Variants in MON1A observed in about 807,000 individuals in gnomAD.
MON1A encodes the protein vacuolar fusion protein MON1 homolog A.
MON1A carries 29 observed loss-of-function variants against 44.6 expected under a neutral mutation model. That is an observed-to-expected ratio of 0.65 (90% confidence interval 0.48 to 0.89). The LOEUF (loss-of-function observed/expected upper bound fraction) is 0.89, where lower values mean the gene tolerates loss of function less well. MON1A is among the 40% of genes least tolerant of loss of function. The probability of loss-of-function intolerance (pLI) is 0.00; values close to 1 mark genes in which losing one functional copy is unlikely to be tolerated. For missense variants in MON1A, 615 were observed against 759.6 expected, an observed-to-expected ratio of 0.81 and a Z score of 2.24; for synonymous variants, 275 against 316.4, an observed-to-expected ratio of 0.87 and a Z score of 1.39.
chr3:49,909,751 C>T lies in MON1A; in HGVS notation c.1380-351G>A, dbSNP rs1462170183. On this transcript the variant is annotated intron_variant, in intron 4 of 5. Coordinates refer to ENST00000296473, the MANE Select transcript of MON1A (RefSeq NM_032355.4). This position sits in a 1 kb window ranked among gnomAD's most constrained non-coding sequence, Gnocchi z 4.0. Reference sequence around the variant, plus strand: ...TGGGCCAAAAGGGACAAAGGGAGGCCATATCTTCCCAGCCCCTCTGCTGGG... The same window carrying T: ...TGGGCCAAAAGGGACAAAGGGAGGCTATATCTTCCCAGCCCCTCTGCTGGG... The T allele has an allele frequency of 2.9e-6, 1 of 346,728 alleles. No individual in the cohort carries two copies. The highest frequency in any genetic ancestry group is 5.2e-6 in the Non-Finnish European group (1 of 190,540). 21.5% of individuals were successfully genotyped at this position (346,728 alleles called of 1,614,324 possible). A position where few individuals can be genotyped will look rare whatever the true frequency, so the allele number is the denominator to read the frequency against.
chr3:49,919,702 G>A (rs935709023), intron 1 of MON1A, among the ~76,000 whole-genome samples: 1 of 152,040 alleles, frequency 6.6e-6, no homozygotes, highest in African/African-American at 2.4e-5. Flanking sequence ...CTGGTCTCAG[G>A]TGATCCTGAC....
At chr3:49,913,631 G>A (rs912359899) in intron 1 of MON1A, among the ~76,000 whole-genome samples, 2 of 145,784 alleles carry the variant, frequency 1.4e-5, no homozygotes, top group African/African-American at 5.1e-5. Context: ...ATCTTTCACT[G>A]TTCATACGTT....
At chr3:49,922,032 G>C (rs906359007) in intron 1 of MON1A, among the ~76,000 whole-genome samples, 3 of 151,950 alleles carry the variant, frequency 2.0e-5, no homozygotes, top group African/African-American at 7.3e-5. Flanking sequence ...AGCTACTTGG[G>C]AGGCTGAGGC....
chr3:49,911,736 G>A lies in MON1A; in HGVS notation c.403C>T (p.Pro135Ser), dbSNP rs775910900. Residue 135 changes from proline to serine, a missense_variant, in exon 3 of 6, where the codon CCC (proline) becomes TCC (serine). Physicochemically the swap from Pro to Ser is moderately conservative, Grantham distance 74 (BLOSUM62 -1). Coordinates refer to ENST00000296473, the MANE Select transcript of MON1A (RefSeq NM_032355.4). The surrounding 1 kb of genome is among the most constrained non-coding windows in gnomAD (Gnocchi z 5.7). ...GAVGRPATEP[P>S]REGTTEGDEE... ...TCCCCCTCGGTTGTGCCCTCCCTGGGGGGCTCTGTGGCTGGTCGCCCAACT... is the reference window on the plus strand; with the variant it reads ...TCCCCCTCGGTTGTGCCCTCCCTGGAGGGCTCTGTGGCTGGTCGCCCAACT... The A allele has an allele frequency of 1.2e-6, 2 of 1,613,730 alleles. No homozygotes were observed. Among genetic ancestry groups the A allele is most frequent in the Admixed American group, 1.7e-5 (1 of 60,016 alleles).
Position 49,911,250 on chromosome 3 carries a change from T to TAGATAGATAGA in MON1A, c.613+275_613+276insTCTATCTATCT, listed in dbSNP as rs1559492038. Among the ~76,000 whole-genome samples the TAGATAGATAGA allele has an allele frequency of 2.3e-4, 23 of 99,796 alleles. No homozygotes were observed. The highest frequency in any genetic ancestry group is 6.4e-4 in the African/African-American group (18 of 28,126). The allele number at this position is 99,796 out of a possible 152,430, so 65.5% of individuals were successfully genotyped here. A position where few individuals can be genotyped will look rare whatever the true frequency, so the allele number is the denominator to read the frequency against. On this transcript the variant is annotated intron_variant, in intron 3 of 5. Coordinates refer to ENST00000296473, the MANE Select transcript of MON1A (RefSeq NM_032355.4). The surrounding 1 kb of genome is among the most constrained non-coding windows in gnomAD (Gnocchi z 5.7). Reference sequence around the variant, plus strand: ...GATAGATAGATAGATAGATAGAGTTTGTTGTTGTTGTTGTTGTTGCCTCCC... The same window carrying TAGATAGATAGA: ...GATAGATAGATAGATAGATAGAGTTTAGATAGATAGAGTTGTTGTTGTTGTTGTTGCCTCCC...
At chr3:49,926,782 AT>A (rs879458577) in intron 1 of MON1A, among the ~76,000 whole-genome samples, 334 of 137,350 alleles carry the variant, frequency 2.4e-3, no homozygotes, top group South Asian at 3.9e-3. Flanking sequence ...TGGGAGGGAG[AT>A]TTTTTTTTTT....
intron 1 of MON1A, among the ~76,000 whole-genome samples, chr3:49,920,213 G>A (rs1021051784): frequency 6.6e-6 from 1 of 152,080 alleles, no homozygotes; most frequent in African/African-American, 2.4e-5. Context: ...AGATAATTTG[G>A]TTATTTCCTC....
intron 1 of MON1A, among the ~76,000 whole-genome samples, chr3:49,915,337 G>A (rs1044888713): frequency 1.3e-5 from 2 of 152,120 alleles, no homozygotes; most frequent in Non-Finnish European, 2.9e-5. Context: ...TCACTAGCTG[G>A]GGCAACAAAG....
chr3:49,927,911 AC>A (rs1330583465), intron 1 of MON1A, among the ~76,000 whole-genome samples: 29 of 151,540 alleles, frequency 1.9e-4, no homozygotes, highest in African/African-American at 5.1e-4. Flanking sequence ...AAAAAAAAAA[AC>A]AACAAAAAAA....
chr3:49,916,084 T>G (rs1559493899), intron 1 of MON1A: 1 of 152,238 alleles, frequency 6.6e-6, no homozygotes, highest in Non-Finnish European at 1.5e-5. Context: ...GAGGCACTGG[T>G]GTTAGTGTGA....
Position 49,911,245 on chromosome 3 carries a change from G to GATAGATAGATAGAT in MON1A, c.613+280_613+281insATCTATCTATCTAT, listed in dbSNP as rs1559492025. Among the ~76,000 whole-genome samples the GATAGATAGATAGAT allele has an allele frequency of 1.0e-4, 8 of 78,344 alleles. No individual in the cohort carries two copies. The highest frequency in any genetic ancestry group is 4.4e-4 in the Admixed American group (4 of 9,024). 51.4% of individuals were successfully genotyped at this position (78,344 alleles called of 152,430 possible). The stretch of plus-strand genomic sequence containing the variant: ...AGATAGATAGATAGATAGATAGATA[G>GATAGATAGATAGAT]AGTTTGTTGTTGTTGTTGTTGTTGC... On this transcript the variant is annotated intron_variant, in intron 3 of 5. Transcript: ENST00000296473. This position sits in a 1 kb window ranked among gnomAD's most constrained non-coding sequence, Gnocchi z 5.7.
At chr3:49,914,540 ATTTTTTTTTTTT>A (rs35967703) in intron 1 of MON1A, among the ~76,000 whole-genome samples, 3 of 85,982 alleles carry the variant, frequency 3.5e-5, no homozygotes, top group South Asian at 3.4e-4. Context: ...CGCCTGCCTA[ATTTTTTTTTTTT>A]TTTTTTTTTT....
In MON1A at chr3:49,910,763, G is replaced by A; in HGVS notation, c.735C>T (p.Ser245=). Residue 245 remains serine, a synonymous_variant, in exon 4 of 6, where the codon AGC becomes AGT. Transcript: ENST00000296473. This position sits in a 1 kb window ranked among gnomAD's most constrained non-coding sequence, Gnocchi z 8.0. Reference sequence around the variant, plus strand: ...GGCTCAGCTGCGCACCGGTAAGAAGGCTTAGGATCTGGTAGTAGATGTAGA... The same window carrying A: ...GGCTCAGCTGCGCACCGGTAAGAAGACTTAGGATCTGGTAGTAGATGTAGA... ...ELLYIYYQIL[S]LLTGAQLSHI... The A allele has an allele frequency of 6.2e-7, 1 of 1,614,160 alleles. No homozygotes were observed. Among genetic ancestry groups the A allele is most frequent in the Non-Finnish European group, 8.5e-7 (1 of 1,180,028 alleles).
chr3:49,911,433 C>T lies in MON1A; in HGVS notation c.613+93G>A. The T allele has an allele frequency of 5.3e-6, 8 of 1,497,184 alleles. No individual in the cohort carries two copies. The highest frequency in any genetic ancestry group is 4.5e-6 in the Non-Finnish European group (5 of 1,123,284). 92.7% of individuals were successfully genotyped at this position (1,497,184 alleles called of 1,614,324 possible). On this transcript the variant is annotated intron_variant, in intron 3 of 5. Transcript: ENST00000296473. This position sits in a 1 kb window ranked among gnomAD's most constrained non-coding sequence, Gnocchi z 5.7. ...GGGACTTACCCTCAGTCACACAGCA[C>T]ATCCCAGCCCTCTGGTCTGCAGGGG... is the stretch of plus-strand genomic sequence containing the variant.
chr3:49,929,677 G>A lies in MON1A; in HGVS notation c.-82C>T, dbSNP rs563561715. On this transcript the variant is annotated 5_prime_UTR_variant, in exon 1 of 6. Transcript: ENST00000296473. ...CTGCCCTCTGCCGGACCCATGGAGG[G>A]GTAAGGGTGTCCGGCCGGGGCCGGC... The A allele has an allele frequency of 1.3e-4, 200 of 1,551,252 alleles. No homozygotes were observed. The highest frequency in any genetic ancestry group is 1.7e-4 in the Non-Finnish European group (195 of 1,146,916).
rs772685039 is a variant in MON1A, at chr3:49,909,362, T to A, written c.1418A>T (p.Gln473Leu). The change falls in exon 5 of 6, where the codon CAG becomes CTG. Residue 473 changes from glutamine (Q) to leucine (L), a missense_variant. Coordinates refer to ENST00000296473, the MANE Select transcript of MON1A (RefSeq NM_032355.4). The surrounding 1 kb of genome is among the most constrained non-coding windows in gnomAD (Gnocchi z 4.0). ...CTGGTAGAGGCCCAGCAGCCGCTCC[T>A]GCTCCTCTTCACTGGTGTATGGGGC... ...IEAPYTSEEE[Q>L]ERLLGLYQYL... 2 of 1,614,122 alleles carry A rather than the reference T, an allele frequency of 1.2e-6. No individual in the cohort carries two copies. The highest frequency in any genetic ancestry group is 3.3e-5 in the Admixed American group (2 of 60,022).
At position 49,927,924 on chromosome 3, in the gene MON1A, A is replaced by C. The variant is rs116661925; in HGVS notation, c.-14+1685T>G. On this transcript the variant is annotated intron_variant, in intron 1 of 5. Transcript: ENST00000296473. ...TCAAAAAAAAAAACAACAAAAAAAA[A>C]CAAAAAACTCCTTGGTCTGCCACAT... Among the ~76,000 whole-genome samples the C allele has an allele frequency of 7.7e-3, 1,168 of 152,066 alleles. 7 individuals are homozygous for C. The highest frequency in any genetic ancestry group is 0.013 in the South Asian group (64 of 4,812).
chr3:49,909,570 C>T lies in MON1A; in HGVS notation c.1380-170G>A. The T allele has an allele frequency of 2.5e-6, 2 of 816,022 alleles. No individual in the cohort carries two copies. Among genetic ancestry groups the T allele is most frequent in the Non-Finnish European group, 3.8e-6 (2 of 532,092 alleles). 50.5% of individuals were successfully genotyped at this position (816,022 alleles called of 1,614,324 possible). On this transcript the variant is annotated intron_variant, in intron 4 of 5. Coordinates refer to ENST00000296473, the MANE Select transcript of MON1A (RefSeq NM_032355.4). The surrounding 1 kb of genome is among the most constrained non-coding windows in gnomAD (Gnocchi z 4.0). ...CCCCACCATAGCAGGCACCCCAGGA[C>T]AGGGCTGGGCCCACTGAGACTAGAG...
chr3:49,929,735 C>T lies in MON1A; in HGVS notation c.-140G>A. 2.6e-6 allele frequency: 4 copies of T among 1,550,074 alleles called. No individual in the cohort carries two copies. Among genetic ancestry groups the T allele is most frequent in the Non-Finnish European group, 3.5e-6 (4 of 1,146,698 alleles). On this transcript the variant is annotated 5_prime_UTR_variant, in exon 1 of 6. Transcript: ENST00000296473. The stretch of plus-strand genomic sequence containing the variant: ...CACAGCTTCGCGGGGCCCCGGCCCC[C>T]TGCGTACACAGACATGGCCACAGCG...
Sources: allele counts gnomAD v4.1 joint callset (sites outside exome capture counted in the v4.1 genomes callset), GRCh38; gene constraint gnomAD v4.1.1; non-coding constraint Gnocchi (gnomAD v3.1); transcripts MANE v1.5; gene names NCBI Gene and HGNC (gene_info 2026-07-23, HGNC 2026-07-21).